The following ZDHHC14 variants were observed in gnomAD, a reference collection of about 807,000 sequenced individuals.
The protein encoded by ZDHHC14 is palmitoyltransferase ZDHHC14.
ZDHHC14 carries 16 observed loss-of-function variants against 47.7 expected under a neutral mutation model. That is an observed-to-expected ratio of 0.34 (90% CI 0.23 to 0.51). The LOEUF (loss-of-function observed/expected upper bound fraction) is 0.51. Ranked by LOEUF, ZDHHC14 falls within the 20% of genes least tolerant of loss-of-function variation. The probability of loss-of-function intolerance (pLI) is 0.97; values close to 1 mark genes in which losing one functional copy is unlikely to be tolerated. For missense variants in ZDHHC14, 515 were observed against 662.5 expected, an observed-to-expected ratio of 0.78 and a Z score of 2.44; for synonymous variants, 293 against 278.9, an observed-to-expected ratio of 1.05 and a Z score of -0.50.
chr6:157,644,012 G>A (rs1297568735), intron 5 of ZDHHC14, among the ~76,000 whole-genome samples: 1 of 151,972 alleles, frequency 6.6e-6, no homozygotes, highest in Admixed American at 6.5e-5. Context: ...TCTTGTTTCC[G>A]TTCCATGTGT....
chr6:157,630,647 C>CCCACATGAGTGT lies in ZDHHC14; in HGVS notation c.703+2161_703+2162insCCACATGAGTGT, dbSNP rs1785652836. The stretch of plus-strand genomic sequence containing the variant: ...ATATGCTCACACATGTACCCTTACA[C>CCCACATGAGTGT]ACCCACACTCATACTAGCCATACTC... On this transcript the variant is annotated intron_variant, in intron 4 of 8. Transcript: ENST00000359775. 12 of 145,486 alleles carry CCCACATGAGTGT rather than the reference C, an allele frequency of 8.2e-5. No homozygotes were observed. In the Admixed American group the frequency reaches 8.3e-4, roughly 10 times the overall value. The allele number at this position is 145,486 out of a possible 1,614,324, so 9.0% of individuals were successfully genotyped here.
chr6:157,595,526 C>G (rs191330538), intron 3 of ZDHHC14, among the ~76,000 whole-genome samples: 1 of 152,252 alleles, frequency 6.6e-6, no homozygotes, highest in African/African-American at 2.4e-5. Flanking sequence ...AAATTTTCTT[C>G]TCAATCTACT....
rs1436319363 is a variant in ZDHHC14, at chr6:157,463,303, G to A, written c.246-79282G>A. Among the ~76,000 whole-genome samples, 1 of 152,106 alleles carries A rather than the reference G, an allele frequency of 6.6e-6. No homozygotes were observed. Among genetic ancestry groups the A allele is most frequent in the Non-Finnish European group, 1.5e-5 (1 of 68,034 alleles). On this transcript the variant is annotated intron_variant, in intron 1 of 8. Transcript: ENST00000359775. The surrounding 1 kb of genome is among the most constrained non-coding windows in gnomAD (Gnocchi z 4.4). ...GTTTTTCAATAGAAACAATTGAATA[G>A]TCCAGATTCATTATTTTTTCCCCTC...
At chr6:157,579,355 G>A (rs1003047170) in intron 2 of ZDHHC14, among the ~76,000 whole-genome samples, 1 of 151,770 alleles carries the variant, frequency 6.6e-6, no homozygotes, top group South Asian at 2.1e-4. Context: ...CTGCCACCAC[G>A]CCCAGCTAAT....
At chr6:157,422,963 T>G (rs1418616383) in intron 1 of ZDHHC14, among the ~76,000 whole-genome samples, 1 of 152,226 alleles carries the variant, frequency 6.6e-6, no homozygotes, top group Non-Finnish European at 1.5e-5. Flanking sequence ...CTTCCCCTCT[T>G]TTTAAAAAGC....
At chr6:157,484,289 A>ATG (rs534904454) in intron 1 of ZDHHC14, among the ~76,000 whole-genome samples, 2 of 96,220 alleles carry the variant, frequency 2.1e-5, no homozygotes, top group African/African-American at 3.4e-5. Flanking sequence ...GTATATATAT[A>ATG]TGTGTATATA....
chr6:157,438,259 A>C (rs944115531), intron 1 of ZDHHC14, among the ~76,000 whole-genome samples: 4 of 152,234 alleles, frequency 2.6e-5, no homozygotes, highest in Non-Finnish European at 5.9e-5. Context: ...CAAGCATTTA[A>C]GGTAAGAATG....
At chr6:157,523,477 C>CA (rs1456671193) in intron 1 of ZDHHC14, among the ~76,000 whole-genome samples, 1 of 152,182 alleles carries the variant, frequency 6.6e-6, no homozygotes. Context: ...AGCTGCTTTG[C>CA]AAACTCCACC....
chr6:157,384,153 G>C (rs1777268291), intron 1 of ZDHHC14, among the ~76,000 whole-genome samples: 1 of 152,120 alleles, frequency 6.6e-6, no homozygotes, highest in Non-Finnish European at 1.5e-5. Flanking sequence ...TTTAACTGTG[G>C]AGAAAATGGG....
At chr6:157,392,142 A>C (rs752721646) in intron 1 of ZDHHC14, among the ~76,000 whole-genome samples, 23 of 152,204 alleles carry the variant, frequency 1.5e-4, no homozygotes, top group Non-Finnish European at 3.2e-4. Flanking sequence ...TGGATAAGTG[A>C]GAGAGAATTT....
At chr6:157,589,889 T>C (rs1395977750) in intron 2 of ZDHHC14, among the ~76,000 whole-genome samples, 1 of 152,182 alleles carries the variant, frequency 6.6e-6, no homozygotes, top group Non-Finnish European at 1.5e-5. Context: ...AGTTTGGAAC[T>C]TCCTAGAGAC....
At chr6:157,512,290 G>A (rs775662883) in intron 1 of ZDHHC14, among the ~76,000 whole-genome samples, 2 of 152,338 alleles carry the variant, frequency 1.3e-5, no homozygotes, top group South Asian at 2.1e-4. Context: ...TGCCGCTGGG[G>A]GGCCCTCTGT....
intron 1 of ZDHHC14, among the ~76,000 whole-genome samples, chr6:157,451,999 C>T (rs1039812541): frequency 6.6e-6 from 1 of 152,156 alleles, no homozygotes; most frequent in African/African-American, 2.4e-5. Flanking sequence ...GGGATGCTGA[C>T]AGTCTCCAGT....
chr6:157,540,910 G>GTGTATA (rs1284429244), intron 1 of ZDHHC14, among the ~76,000 whole-genome samples: 35 of 122,980 alleles, frequency 2.8e-4, no homozygotes, highest in African/African-American at 1.4e-3. Context: ...GTGTGTGTGT[G>GTGTATA]TATATATATA....
At chr6:157,657,249 T>A (rs1043619145) in intron 8 of ZDHHC14, among the ~76,000 whole-genome samples, 3 of 152,072 alleles carry the variant, frequency 2.0e-5, no homozygotes, top group Admixed American at 6.6e-5. Context: ...AGTTTTGCCA[T>A]GTTGCCCAGG....
intron 1 of ZDHHC14, among the ~76,000 whole-genome samples, chr6:157,474,446 G>GGTAT (rs916812989): frequency 6.6e-6 from 1 of 152,148 alleles, no homozygotes; most frequent in African/African-American, 2.4e-5. Flanking sequence ...ATGCATTGCT[G>GGTAT]GATCATATGG....
intron 3 of ZDHHC14, among the ~76,000 whole-genome samples, chr6:157,623,373 T>A (rs756603407): frequency 6.6e-6 from 1 of 152,120 alleles, no homozygotes; most frequent in Non-Finnish European, 1.5e-5. Flanking sequence ...TCTCTCTCCT[T>A]CTGCCTTGTG....
intron 1 of ZDHHC14, among the ~76,000 whole-genome samples, chr6:157,414,064 G>T (rs932109691): frequency 1.3e-4 from 20 of 152,150 alleles, no homozygotes; most frequent in Non-Finnish European, 2.5e-4. Context: ...AGCCTCCAGA[G>T]TAGCTGGGAT....
chr6:157,451,617 G>A (rs150788578), intron 1 of ZDHHC14, among the ~76,000 whole-genome samples: 338 of 152,304 alleles, frequency 2.2e-3, no homozygotes, highest in Non-Finnish European at 3.7e-3. Flanking sequence ...CTGGAGGGCA[G>A]TGGCGCAATA....
Sources: allele counts gnomAD v4.1 joint callset (sites outside exome capture counted in the v4.1 genomes callset), GRCh38; gene constraint gnomAD v4.1.1; non-coding constraint Gnocchi (gnomAD v3.1); transcripts MANE v1.5; gene names NCBI Gene and HGNC (gene_info 2026-07-23, HGNC 2026-07-21).